Variants in NSRP1 observed in about 807,000 individuals in gnomAD.
The protein encoded by NSRP1 is nuclear speckle splicing regulatory protein 1.
Under a neutral mutation model 54.7 loss-of-function variants are expected in NSRP1, and 24 were observed. The observed-to-expected ratio is 0.44, with a 90% CI of 0.32 to 0.62. The LOEUF (loss-of-function observed/expected upper bound fraction) is 0.62, where lower values mean the gene tolerates loss of function less well. Among genes scored for constraint, NSRP1 ranks in the 20% least tolerant of loss-of-function variants. The pLI is 0.06. For synonymous variants in NSRP1, 210 were observed against 213.8 expected (o/e 0.98, Z 0.15); for missense variants, 596 against 651.2 (o/e 0.92, Z 0.92).
chr17:30,172,924 A>C (rs911442707), intron 3 of NSRP1, among the ~76,000 whole-genome samples: 1 of 152,016 alleles, frequency 6.6e-6, no homozygotes, highest in Non-Finnish European at 1.5e-5. Context: ...AGAAAGAAGA[A>C]TATCAGAGAT....
intron 2 of NSRP1, among the ~76,000 whole-genome samples, chr17:30,145,104 C>G (rs1255396852): frequency 6.6e-6 from 1 of 152,146 alleles, no homozygotes; most frequent in Non-Finnish European, 1.5e-5. Flanking sequence ...GCATATACGT[C>G]TACTGTATTT....
chr17:30,116,929 G>T (rs371754003), intron 1 of NSRP1, 66 bp downstream of exon 1: 125 of 1,543,770 alleles, frequency 8.1e-5, no homozygotes, highest in Middle Eastern at 5.0e-4. Flanking sequence ...ATCTTTGGCC[G>T]AGGAGTTTTA....
intron 3 of NSRP1, among the ~76,000 whole-genome samples, chr17:30,176,618 C>CA (rs35018204): frequency 0.37 from 43,901 of 119,706 alleles, 9,484 homozygotes; most frequent in East Asian, 0.68. Flanking sequence ...CCCCCCCCCC[C>CA]AAAAAAAAAA....
At chr17:30,136,181 C>CA (rs889676316) in intron 2 of NSRP1, among the ~76,000 whole-genome samples, 1 of 152,094 alleles carries the variant, frequency 6.6e-6, no homozygotes, top group Non-Finnish European at 1.5e-5. Context: ...AAACAAAAAA[C>CA]AAAAAGAGTA....
chr17:30,171,976 C>CCTCT (rs58666089), intron 2 of NSRP1, among the ~76,000 whole-genome samples: 9,333 of 80,106 alleles, frequency 0.12, 598 homozygotes, highest in Middle Eastern at 0.14. Context: ...ACACACACTC[C>CCTCT]CTCTCTCTCT....
intron 2 of NSRP1, among the ~76,000 whole-genome samples, chr17:30,143,708 G>A (rs1402783893): frequency 6.6e-6 from 1 of 152,058 alleles, no homozygotes; most frequent in Non-Finnish European, 1.5e-5. Context: ...GCAATAATTG[G>A]AAAACATGTC....
chr17:30,136,914 T>C (rs2071755779), intron 2 of NSRP1, among the ~76,000 whole-genome samples: 1 of 152,218 alleles, frequency 6.6e-6, no homozygotes, highest in Admixed American at 6.5e-5. Context: ...ATTTTTTTTG[T>C]ATGTGGATAT....
chr17:30,138,277 A>G (rs2071767659), intron 2 of NSRP1, among the ~76,000 whole-genome samples: 1 of 152,196 alleles, frequency 6.6e-6, no homozygotes, highest in South Asian at 2.1e-4. Flanking sequence ...TAATGCTGCT[A>G]TGAACATGGC....
intron 2 of NSRP1, among the ~76,000 whole-genome samples, chr17:30,120,388 A>G (rs141570876): frequency 6.6e-4 from 100 of 152,370 alleles, no homozygotes; most frequent in Middle Eastern, 3.4e-3. Flanking sequence ...TTTCAAATGG[A>G]ATATTGAGGA....
At chr17:30,146,547 T>C (rs2071857451) in intron 2 of NSRP1, among the ~76,000 whole-genome samples, 1 of 151,828 alleles carries the variant, frequency 6.6e-6, no homozygotes, top group Admixed American at 6.6e-5. Context: ...ATGAGGTAAT[T>C]TTTTACCCCA....
chr17:30,135,011 T>TA (rs1357115006), intron 2 of NSRP1, among the ~76,000 whole-genome samples: 1 of 152,200 alleles, frequency 6.6e-6, no homozygotes, highest in Non-Finnish European at 1.5e-5. Context: ...TATATATATA[T>TA]TTTTTGAACA....
chr17:30,144,155 C>G (rs1220705011), intron 2 of NSRP1: 17 of 151,832 alleles, frequency 1.1e-4, no homozygotes, highest in Admixed American at 1.1e-3. Flanking sequence ...CCCTCCTATT[C>G]ACAACCCGTT....
intron 2 of NSRP1, among the ~76,000 whole-genome samples, chr17:30,123,887 T>C (rs1363794423): frequency 1.3e-5 from 2 of 152,172 alleles, no homozygotes; most frequent in African/African-American, 4.8e-5. Context: ...AATATACAAA[T>C]AATTATAAAA....
At chr17:30,166,003 A>G (rs1237857571) in intron 2 of NSRP1, among the ~76,000 whole-genome samples, 1 of 152,192 alleles carries the variant, frequency 6.6e-6, no homozygotes, top group Non-Finnish European at 1.5e-5. Flanking sequence ...GAAAAAAAAA[A>G]GTACAGCTAC....
chr17:30,150,698 T>G lies in NSRP1; in HGVS notation c.115-21844T>G, dbSNP rs1289533056. On this transcript the variant is annotated intron_variant, in intron 2 of 6. Transcript: ENST00000247026. ...TTTTGTTGTTGGTTTTTTTTTTTTT[T>G]TTTTTTTTTTTTGGAATCTCGCTCT... 63 of 139,234 alleles carry G rather than the reference T, an allele frequency of 4.5e-4. 1 individual carries two copies. Among genetic ancestry groups the G allele is most frequent in the Admixed American group, 1.4e-3 (19 of 13,910 alleles). 8.6% of individuals were successfully genotyped at this position (139,234 alleles called of 1,614,324 possible). A position where few individuals can be genotyped will look rare whatever the true frequency, so the allele number is the denominator to read the frequency against.
intron 2 of NSRP1, among the ~76,000 whole-genome samples, chr17:30,146,947 C>T (rs2071861229): frequency 2.0e-5 from 3 of 152,162 alleles, no homozygotes; most frequent in African/African-American, 7.2e-5. Flanking sequence ...TCTTCTAGTC[C>T]TTATACCTCT....
intron 2 of NSRP1, among the ~76,000 whole-genome samples, chr17:30,131,976 C>T (rs565338694): frequency 6.8e-4 from 103 of 152,204 alleles, no homozygotes; most frequent in African/African-American, 2.4e-3. Context: ...AGGCCAGGCG[C>T]GGTGGCTCAC....
intron 2 of NSRP1, among the ~76,000 whole-genome samples, chr17:30,138,940 TG>T (rs993139389): frequency 8.3e-6 from 1 of 120,300 alleles, no homozygotes; most frequent in Non-Finnish European, 1.7e-5. Context: ...TTTTTTGAGA[TG>T]GAGTCTCGCT....
rs371494882 is a variant in NSRP1 at position 30,127,449 on chromosome 17, C to T, written c.114+9276C>T. On this transcript the variant is annotated intron_variant, in intron 2 of 6. Coordinates refer to ENST00000247026, the MANE Select transcript of NSRP1 (RefSeq NM_032141.4). ...CTTTTTTTGGAGACAAGGTTTTGCTCTGCTGCCCAGGCTGGAGTGCAGTGG... is the reference window on the plus strand; with the variant it reads ...CTTTTTTTGGAGACAAGGTTTTGCTTTGCTGCCCAGGCTGGAGTGCAGTGG... Among the ~76,000 whole-genome samples the T allele has an allele frequency of 1.3e-4, 20 of 152,244 alleles. No individual in the cohort carries two copies. The East Asian group carries it at 1.9e-3, about 15-fold the overall frequency.
Sources: allele counts gnomAD v4.1 joint callset (sites outside exome capture counted in the v4.1 genomes callset), GRCh38; gene constraint gnomAD v4.1.1; transcripts MANE v1.5; gene names NCBI Gene and HGNC (gene_info 2026-07-23, HGNC 2026-07-21).